Variants in TMEM215 observed in about 807,000 individuals in gnomAD.
TMEM215 encodes the protein transmembrane protein 215.
TMEM215 carries 12 observed loss-of-function variants against 14.7 expected under a neutral mutation model. That is an observed-to-expected ratio of 0.82 (90% CI 0.52 to 1.33). The LOEUF is 1.33. Among genes scored for constraint, TMEM215 ranks in the 40% most tolerant of loss-of-function variants. The probability of loss-of-function intolerance (pLI) is 0.00; values close to 1 mark genes in which losing one functional copy is unlikely to be tolerated. For missense variants in TMEM215, 276 were observed against 296.2 expected, an observed-to-expected ratio of 0.93 and a Z score of 0.50; for synonymous variants, 122 against 124.8, an observed-to-expected ratio of 0.98 and a Z score of 0.15.
intron 1 of TMEM215, 55 bp downstream of exon 1, chr9:32,783,860 C>CCGTATCATTA: frequency 1.0e-5 from 3 of 289,738 alleles, no homozygotes; most frequent in South Asian, 1.4e-4. Context: ...ACGGAGGTTG[C>CCGTATCATTA]AATAGTGAGA....
Position 32,784,811 on chromosome 9 carries a change from A to T in TMEM215, c.628A>T (p.Lys210Ter). The T allele has an allele frequency of 1.2e-6, 2 of 1,613,590 alleles. No individual in the cohort carries two copies. The highest frequency in any genetic ancestry group is 1.7e-6 in the Non-Finnish European group (2 of 1,180,026). The stretch of plus-strand genomic sequence containing the variant: ...GGACAGTATCATCGTTTGCTCCTAC[A>T]AGCAGAACAGCCCGTATGACAGATA... ...PQDSIIVCSYKQNSPYDRYCC... is the reference protein window; with the variant it reads ...PQDSIIVCSY The change falls in exon 2 of 2, where the codon AAG (lysine) becomes TAG (stop). Residue 210 changes from lysine (K) to a stop codon, truncating the protein, a stop_gained. Coordinates refer to ENST00000342743, the MANE Select transcript of TMEM215 (RefSeq NM_212558.3). LOFTEE classifies it high-confidence loss of function.
In TMEM215 at chr9:32,786,919, A is replaced by G. The variant is rs1249300069; in HGVS notation, c.*2028A>G. On this transcript the variant is annotated 3_prime_UTR_variant, in exon 2 of 2. Coordinates refer to ENST00000342743, the MANE Select transcript of TMEM215 (RefSeq NM_212558.3). ...GGGAGAGATAGTTTCCTAAAATCAC[A>G]GTAACTTTTAATAATTGTAATGCAT... 1 of 167,016 alleles carries G rather than the reference A, an allele frequency of 6.0e-6. No individual in the cohort carries two copies. Among genetic ancestry groups the G allele is most frequent in the East Asian group, 1.9e-4 (1 of 5,202 alleles). The allele number at this position is 167,016 out of a possible 1,614,324, so 10.3% of individuals were successfully genotyped here.
At position 32,784,680 on chromosome 9, in the gene TMEM215, G is replaced by T; in HGVS notation, c.497G>T (p.Cys166Phe). The part of the protein sequence containing the change: ...EETSRYLDGY[C>F]PSGSSLTYSA... ...ACGTCCAGATACCTGGACGGCTACT[G>T]CCCCTCGGGCAGTTCCCTCACCTAC... is the stretch of plus-strand genomic sequence containing the variant. The change falls in exon 2 of 2, where the codon TGC becomes TTC. Residue 166 changes from cysteine (C) to phenylalanine (F), a missense_variant. Coordinates refer to ENST00000342743, the MANE Select transcript of TMEM215 (RefSeq NM_212558.3). 1 of 1,614,094 alleles carries T rather than the reference G, an allele frequency of 6.2e-7. No homozygotes were observed. The highest frequency in any genetic ancestry group is 8.5e-7 in the Non-Finnish European group (1 of 1,180,016).
chr9:32,784,504 C>T lies in TMEM215; in HGVS notation c.321C>T (p.Ser107=), dbSNP rs772447756. 1 of 1,613,910 alleles carries T rather than the reference C, an allele frequency of 6.2e-7. No homozygotes were observed. Among genetic ancestry groups the T allele is most frequent in the Non-Finnish European group, 8.5e-7 (1 of 1,180,034 alleles). Residue 107 remains serine, a synonymous_variant, in exon 2 of 2, where the codon AGC becomes AGT. Transcript: ENST00000342743. ...TPSDLESGKG[S]SDELAKKAGL... is the part of the protein sequence containing the mutation. ...CAGACCTAGAATCCGGCAAGGGGAG[C>T]TCAGATGAGCTGGCTAAGAAGGCGG...
Position 32,788,592 on chromosome 9 carries a change from A to G in TMEM215, c.*3701A>G, listed in dbSNP as rs140609882. 9.9e-3 allele frequency among the ~76,000 whole-genome samples: 1,502 copies of G among 152,286 alleles called. 23 individuals are homozygous for G. The highest frequency in any genetic ancestry group is 0.033 in the African/African-American group (1,366 of 41,560). On this transcript the variant is annotated 3_prime_UTR_variant, in exon 2 of 2. Transcript: ENST00000342743. ...ATGTTTTTTTCCTATTGCTGGTTACACTGCTATATTATTTGTTATATGCCA... is the reference window on the plus strand; with the variant it reads ...ATGTTTTTTTCCTATTGCTGGTTACGCTGCTATATTATTTGTTATATGCCA...
intron 1 of TMEM215, 25 bp from the exon 2 acceptor site, chr9:32,784,101 C>A: frequency 7.5e-7 from 1 of 1,335,508 alleles, no homozygotes; most frequent in Non-Finnish European, 1.0e-6. Flanking sequence ...TTTTTTTTAA[C>A]GCACTGTGGT....
rs1207171194 is a variant in TMEM215 at position 32,786,091 on chromosome 9, T to C, written c.*1200T>C. The C allele has an allele frequency of 6.0e-6, 1 of 166,990 alleles. No individual in the cohort carries two copies. The highest frequency in any genetic ancestry group is 6.5e-5 in the Admixed American group (1 of 15,288). The allele number at this position is 166,990 out of a possible 1,614,324, so 10.3% of individuals were successfully genotyped here. A position where few individuals can be genotyped will look rare whatever the true frequency, so the allele number is the denominator to read the frequency against. ...AACAAATCACAATGATATCCTAAAA[T>C]GTGCTTTCTATTTCACTTGCTCAAC... is the stretch of plus-strand genomic sequence containing the variant. On this transcript the variant is annotated 3_prime_UTR_variant, in exon 2 of 2. Coordinates refer to ENST00000342743, the MANE Select transcript of TMEM215 (RefSeq NM_212558.3).
At position 32,785,521 on chromosome 9, in the gene TMEM215, T is replaced by C. The variant is rs1269973673; in HGVS notation, c.*630T>C. On this transcript the variant is annotated 3_prime_UTR_variant, in exon 2 of 2. Transcript: ENST00000342743. ...GACAAGATCATGGTCTCTAATAAAG[T>C]AAAATAAGTGTGAGCAGCTATGTGA... The C allele has an allele frequency of 1.8e-5, 3 of 167,112 alleles. No individual in the cohort carries two copies. The highest frequency in any genetic ancestry group is 4.4e-5 in the Non-Finnish European group (3 of 68,142). The allele number at this position is 167,112 out of a possible 1,614,324, so 10.4% of individuals were successfully genotyped here.
intron 1 of TMEM215, 34 bp downstream of exon 1, chr9:32,783,839 A>C (rs1261493592): frequency 3.0e-5 from 7 of 232,418 alleles, no homozygotes; most frequent in South Asian, 1.8e-4. Flanking sequence ...GCGTGTTGAT[A>C]TGAGAGAGAG....
In TMEM215 at chr9:32,788,323, A is replaced by G. The variant is rs1824529848; in HGVS notation, c.*3432A>G. ...ACAACCTCACTATCCTAAAGCAACTACTGTGTTTCTATTTTGGTATATCAT... is the reference window on the plus strand; with the variant it reads ...ACAACCTCACTATCCTAAAGCAACTGCTGTGTTTCTATTTTGGTATATCAT... On this transcript the variant is annotated 3_prime_UTR_variant, in exon 2 of 2. Coordinates refer to ENST00000342743, the MANE Select transcript of TMEM215 (RefSeq NM_212558.3). Among the ~76,000 whole-genome samples, 1 of 152,184 alleles carries G rather than the reference A, an allele frequency of 6.6e-6. No homozygotes were observed. The highest frequency in any genetic ancestry group is 1.5e-5 in the Non-Finnish European group (1 of 68,016).
intron 1 of TMEM215, 74 bp from the exon 2 acceptor site, chr9:32,784,052 A>G: frequency 1.2e-6 from 1 of 800,332 alleles, no homozygotes; most frequent in East Asian, 2.6e-5. Context: ...AAAGGGCAAG[A>G]GAAAGACAAG....
Position 32,784,558 on chromosome 9 carries a change from C to T in TMEM215, c.375C>T (p.Ser125=). Residue 125 remains serine, a synonymous_variant, in exon 2 of 2, where the codon AGC becomes AGT. Coordinates refer to ENST00000342743, the MANE Select transcript of TMEM215 (RefSeq NM_212558.3). The part of the protein sequence containing the change: ...AGLRGKPPPQ[S]QGEVSVASSI... The stretch of plus-strand genomic sequence containing the variant: ...TCAGGGGGAAGCCTCCCCCACAAAG[C>T]CAGGGTGAGGTGTCCGTGGCCAGCT... The T allele has an allele frequency of 6.2e-7, 1 of 1,613,800 alleles. No homozygotes were observed. The highest frequency in any genetic ancestry group is 1.7e-5 in the Admixed American group (1 of 60,020).
In TMEM215 at chr9:32,784,756, G is replaced by C; in HGVS notation, c.573G>C (p.Glu191Asp). Residue 191 changes from glutamate (E) to aspartate (D), a missense_variant, in exon 2 of 2, where the codon GAG becomes GAC. Glu to Asp is a conservative substitution (Grantham distance 45). Transcript: ENST00000342743. ...CAAGGGACAGATCTGAGTGCCCTGA[G>C]CCTGAGGATAGCATCTTCTTTGTGC... is the stretch of plus-strand genomic sequence containing the variant. ...CSARDRSECP[E>D]PEDSIFFVPQ... 2 of 1,614,016 alleles carry C rather than the reference G, an allele frequency of 1.2e-6. No individual in the cohort carries two copies. Among genetic ancestry groups the C allele is most frequent in the Non-Finnish European group, 8.5e-7 (1 of 1,180,030 alleles).
At chr9:32,784,102 G>T (rs1824471988) in intron 1 of TMEM215, 24 bp from the exon 2 acceptor site, 2 of 1,343,792 alleles carry the variant, frequency 1.5e-6, no homozygotes, top group Non-Finnish European at 1.0e-6. Context: ...TTTTTTTAAC[G>T]CACTGTGGTT....
Position 32,788,357 on chromosome 9 carries a change from C to G in TMEM215, c.*3466C>G, listed in dbSNP as rs973588770. On this transcript the variant is annotated 3_prime_UTR_variant, in exon 2 of 2. Coordinates refer to ENST00000342743, the MANE Select transcript of TMEM215 (RefSeq NM_212558.3). The stretch of plus-strand genomic sequence containing the variant: ...CTATTTTGGTATATCATCTTCCAGG[C>G]TTCCTCCACATGCAAATGCAGCATA... Among the ~76,000 whole-genome samples the G allele has an allele frequency of 6.6e-6, 1 of 152,224 alleles. No homozygotes were observed. Among genetic ancestry groups the G allele is most frequent in the Non-Finnish European group, 1.5e-5 (1 of 68,028 alleles).
At position 32,784,622 on chromosome 9, in the gene TMEM215, C is replaced by T. The variant is rs762196680; in HGVS notation, c.439C>T (p.Gln147Ter). The T allele has an allele frequency of 1.2e-6, 2 of 1,613,690 alleles. No individual in the cohort carries two copies. The highest frequency in any genetic ancestry group is 1.7e-6 in the Non-Finnish European group (2 of 1,179,880). Residue 147 changes from glutamine to a stop codon, truncating the protein, a stop_gained, in exon 2 of 2, where the codon CAG becomes TAG. Transcript: ENST00000342743. LOFTEE classifies it high-confidence loss of function. Reference protein sequence around the residue: ...SPTPTEEGECQSLVQNGHQEE... With the variant: ...SPTPTEEGEC ...CACACCCACGGAGGAAGGAGAATGC[C>T]AGAGCCTCGTCCAGAATGGGCATCA...
chr9:32,789,137 G>A lies in TMEM215; in HGVS notation c.*4246G>A, dbSNP rs747852705. On this transcript the variant is annotated 3_prime_UTR_variant, in exon 2 of 2. Coordinates refer to ENST00000342743, the MANE Select transcript of TMEM215 (RefSeq NM_212558.3). ...TCCTACTGGGAAAAACTAAACTGAG[G>A]ATGGAAATGGGGACAAATGCTTGGT... Among the ~76,000 whole-genome samples, 1 of 152,164 alleles carries A rather than the reference G, an allele frequency of 6.6e-6. No homozygotes were observed. The highest frequency in any genetic ancestry group is 1.5e-5 in the Non-Finnish European group (1 of 68,032).
At position 32,784,279 on chromosome 9, in the gene TMEM215, G is replaced by A; in HGVS notation, c.96G>A (p.Met32Ile). The A allele has an allele frequency of 6.2e-7, 1 of 1,614,190 alleles. No individual in the cohort carries two copies. Among genetic ancestry groups the A allele is most frequent in the South Asian group, 1.1e-5 (1 of 91,078 alleles). The change falls in exon 2 of 2, where the codon ATG (methionine) becomes ATA (isoleucine). Residue 32 changes from methionine to isoleucine, a missense_variant. Coordinates refer to ENST00000342743, the MANE Select transcript of TMEM215 (RefSeq NM_212558.3). Reference sequence around the variant, plus strand: ...GTTTCATGTTCACCGTCTCTGGGATGAAAGGGGAGACTTTGGGAAACATCC... The same window carrying A: ...GTTTCATGTTCACCGTCTCTGGGATAAAAGGGGAGACTTTGGGAAACATCC... ...VFGFMFTVSG[M>I]KGETLGNIPL... is the part of the protein sequence containing the mutation.
At position 32,784,261 on chromosome 9, in the gene TMEM215, G is replaced by T. The variant is rs372279448; in HGVS notation, c.78G>T (p.Met26Ile). The T allele has an allele frequency of 2.0e-5, 32 of 1,614,060 alleles. No individual in the cohort carries two copies. Among genetic ancestry groups the T allele is most frequent in the Non-Finnish European group, 2.7e-5 (32 of 1,180,034 alleles). Reference sequence around the variant, plus strand: ...GTGTCTTCCTCGTCTTTGGTTTCATGTTCACCGTCTCTGGGATGAAAGGGG... The same window carrying T: ...GTGTCTTCCTCGTCTTTGGTTTCATTTTCACCGTCTCTGGGATGAAAGGGG... ...LVSVFLVFGFMFTVSGMKGET... is the reference protein window; with the variant it reads ...LVSVFLVFGFIFTVSGMKGET... Residue 26 changes from methionine to isoleucine, a missense_variant, in exon 2 of 2, where the codon ATG becomes ATT. Coordinates refer to ENST00000342743, the MANE Select transcript of TMEM215 (RefSeq NM_212558.3).
Sources: allele counts gnomAD v4.1 joint callset (sites outside exome capture counted in the v4.1 genomes callset), GRCh38; gene constraint gnomAD v4.1.1; transcripts MANE v1.5; gene names NCBI Gene and HGNC (gene_info 2026-07-23, HGNC 2026-07-21).